SOX5: variants seen among roughly 807,000 people sequenced by gnomAD.
SOX5 encodes transcription factor SOX-5.
SOX5 carries 9 observed loss-of-function variants against 92.0 expected under a neutral mutation model. The observed-to-expected ratio is 0.10, with a 90% CI of 0.06 to 0.17. SOX5 has a LOEUF of 0.17. SOX5 is among the 10% of genes least tolerant of loss of function. The pLI, the probability that SOX5 is intolerant of heterozygous loss-of-function variation, is 1.00. For synonymous variants in SOX5, 344 were observed against 336.3 expected (o/e 1.02, Z -0.25); for missense variants, 642 against 944.5 (o/e 0.68, Z 4.20).
intron 4 of SOX5, among the ~76,000 whole-genome samples, chr12:24,146,240 C>T (rs565659808): frequency 1.3e-5 from 2 of 152,096 alleles, no homozygotes; most frequent in East Asian, 3.9e-4. Context: ...GTCCATAAAA[C>T]AAGTCTCAAT....
intron 2 of SOX5, among the ~76,000 whole-genome samples, chr12:23,859,057 G>C (rs1014061800): frequency 1.9e-4 from 29 of 151,982 alleles, no homozygotes; most frequent in African/African-American, 6.8e-4. Context: ...TGATGATTGC[G>C]TTAACTGTAC....
intron 6 of SOX5, among the ~76,000 whole-genome samples, chr12:23,713,817 G>A (rs1480666880): frequency 4.7e-5 from 7 of 150,160 alleles, no homozygotes; most frequent in African/African-American, 1.5e-4. Flanking sequence ...TATTGGCTGG[G>A]CATGGTGGCT....
At chr12:23,892,066 G>A (rs1477470396) in intron 2 of SOX5, among the ~76,000 whole-genome samples, 1 of 151,858 alleles carries the variant, frequency 6.6e-6, no homozygotes, top group Non-Finnish European at 1.5e-5. Flanking sequence ...ACATATATAT[G>A]ACTATGCCTT....
intron 3 of SOX5, among the ~76,000 whole-genome samples, chr12:23,769,678 G>A (rs2094857897): frequency 6.6e-6 from 1 of 152,078 alleles, no homozygotes; most frequent in Admixed American, 6.6e-5. Context: ...TATCTTCTGG[G>A]GTTAATAGGG....
chr12:23,731,628 C>A (rs1247482925), intron 6 of SOX5, among the ~76,000 whole-genome samples: 1 of 152,110 alleles, frequency 6.6e-6, no homozygotes. Context: ...TATTATCTTT[C>A]CTGTCATGTA....
chr12:24,110,557 G>T (rs2138130504), intron 4 of SOX5, among the ~76,000 whole-genome samples: 1 of 152,196 alleles, frequency 6.6e-6, no homozygotes. Context: ...TATTAGAAGT[G>T]CCTCATTGAT....
intron 1 of SOX5, among the ~76,000 whole-genome samples, chr12:24,497,724 A>T (rs1947788508): frequency 6.6e-6 from 1 of 152,210 alleles, no homozygotes; most frequent in South Asian, 2.1e-4. Context: ...AATATAAATC[A>T]TTCTCTTATA....
At chr12:23,809,619 TA>T (rs11390865) in intron 3 of SOX5, among the ~76,000 whole-genome samples, 49 of 148,562 alleles carry the variant, frequency 3.3e-4, no homozygotes, top group African/African-American at 1.1e-3. Flanking sequence ...ACTTTTTTAT[TA>T]AAAAAAAAAA....
At chr12:23,914,187 T>C (rs975352247) in intron 1 of SOX5, among the ~76,000 whole-genome samples, 1 of 151,562 alleles carries the variant, frequency 6.6e-6, no homozygotes, top group Non-Finnish European at 1.5e-5. Flanking sequence ...TGAAGTCTAA[T>C]TTTTTTTTAA....
chr12:24,153,067 A>T (rs571220754), intron 4 of SOX5, among the ~76,000 whole-genome samples: 19 of 152,246 alleles, frequency 1.2e-4, no homozygotes, highest in African/African-American at 4.6e-4. Flanking sequence ...TGTCTGGACC[A>T]CTGGGGAAAC....
intron 3 of SOX5, among the ~76,000 whole-genome samples, chr12:23,825,555 T>C (rs114846784): frequency 6.6e-6 from 1 of 152,316 alleles, no homozygotes; most frequent in South Asian, 2.1e-4. Flanking sequence ...ATTTTTATTT[T>C]ATATGTATGT....
chr12:24,412,255 CA>C (rs1964243851), intron 1 of SOX5, among the ~76,000 whole-genome samples: 1 of 151,938 alleles, frequency 6.6e-6, no homozygotes, highest in South Asian at 2.1e-4. Flanking sequence ...TTAATTTTTT[CA>C]TGGATTATTT....
In SOX5 at chr12:23,787,916, A is replaced by T. The variant is rs76790912; in HGVS notation, c.482-32192T>A. ...AAAGTGAGAAAGTGCTCCTGCTTAG[A>T]CCCGAGATGCTGCAGCAGAAGTAAC... is the stretch of plus-strand genomic sequence containing the variant. On this transcript the variant is annotated intron_variant, in intron 3 of 14. Transcript: ENST00000451604. Among the ~76,000 whole-genome samples, 877 of 150,858 alleles carry T rather than the reference A, an allele frequency of 5.8e-3. 27 individuals carry two copies. The highest frequency in any genetic ancestry group is 0.039 in the Admixed American group (581 of 14,998).
At chr12:24,414,883 T>C (rs1964747908) in intron 1 of SOX5, among the ~76,000 whole-genome samples, 1 of 152,178 alleles carries the variant, frequency 6.6e-6, no homozygotes, top group Non-Finnish European at 1.5e-5. Flanking sequence ...CCTTGTCTTT[T>C]TCTCCTTTTC....
intron 7 of SOX5, among the ~76,000 whole-genome samples, chr12:23,653,678 CTG>C (rs1402051382): frequency 6.6e-6 from 1 of 152,126 alleles, no homozygotes; most frequent in Non-Finnish European, 1.5e-5. Flanking sequence ...TGCATTCTTT[CTG>C]TGTCCTCACA....
chr12:24,423,776 T>C (rs185308027), intron 1 of SOX5, among the ~76,000 whole-genome samples: 236 of 152,300 alleles, frequency 1.5e-3, no homozygotes, highest in African/African-American at 5.4e-3. Context: ...GTACGGGCTA[T>C]TGATCTGAGT....
intron 6 of SOX5, among the ~76,000 whole-genome samples, chr12:23,716,717 A>T (rs2092523192): frequency 6.6e-6 from 1 of 152,196 alleles, no homozygotes; most frequent in South Asian, 2.1e-4. Flanking sequence ...TTAATTTTTT[A>T]TCTTAACAGC....
chr12:24,311,457 C>T (rs1249747243), intron 2 of SOX5, among the ~76,000 whole-genome samples: 1 of 152,082 alleles, frequency 6.6e-6, no homozygotes, highest in Non-Finnish European at 1.5e-5. Context: ...CCCCTGCAAA[C>T]ACTATGTACC....
intron 11 of SOX5, among the ~76,000 whole-genome samples, chr12:23,550,863 C>A (rs1008622010): frequency 6.6e-6 from 1 of 151,910 alleles, no homozygotes; most frequent in African/African-American, 2.4e-5. Flanking sequence ...ACAGAGCAGT[C>A]AAAACAAAAG....
Sources: gnomAD v4.1 joint callset for allele counts (sites outside exome capture counted in the v4.1 genomes callset) on GRCh38, gnomAD v4.1.1 for gene constraint, MANE v1.5 for transcripts, NCBI Gene and HGNC (gene_info 2026-07-23, HGNC 2026-07-21) for gene names.